Variants in PRKAR1B observed in about 807,000 individuals in gnomAD.
PRKAR1B encodes the protein cAMP-dependent protein kinase type I-beta regulatory subunit.
In PRKAR1B, 22 loss-of-function variants were observed where a neutral mutation model predicts 46.5. The ratio of observed to expected loss-of-function variants is 0.47; its 90% CI spans 0.34 to 0.68. The LOEUF is 0.68. Among genes scored for constraint, PRKAR1B ranks in the 30% least tolerant of loss-of-function variants. PRKAR1B has a pLI of 0.01. For missense variants in PRKAR1B, 445 were observed against 535.6 expected, an observed-to-expected ratio of 0.83 and a Z score of 1.67; for synonymous variants, 259 against 217.7, an observed-to-expected ratio of 1.19 and a Z score of -1.67.
At chr7:613,486 G>T (rs567668949) in intron 4 of PRKAR1B, among the ~76,000 whole-genome samples, 13 of 152,280 alleles carry the variant, frequency 8.5e-5, no homozygotes, top group Admixed American at 3.3e-4. Flanking sequence ...AACGTCTGAG[G>T]AAGCGTACGG....
chr7:704,629 AGCCAGGCGC>A (rs1187137196), intron 2 of PRKAR1B, among the ~76,000 whole-genome samples: 1 of 152,000 alleles, frequency 6.6e-6, no homozygotes, highest in Non-Finnish European at 1.5e-5. Flanking sequence ...TACAAAAATG[AGCCAGGCGC>A]GATGCCTGTA....
intron 8 of PRKAR1B, among the ~76,000 whole-genome samples, chr7:584,012 G>A (rs1398940788): frequency 2.6e-5 from 4 of 152,228 alleles, no homozygotes; most frequent in African/African-American, 9.6e-5. Flanking sequence ...TGAAACCCCA[G>A]CCTGCCGTTA....
At chr7:645,012 C>T (rs572923327) in intron 4 of PRKAR1B, among the ~76,000 whole-genome samples, 1 of 152,288 alleles carries the variant, frequency 6.6e-6, no homozygotes, top group East Asian at 1.9e-4. Flanking sequence ...GCAGTGTGGA[C>T]GAGTGAGGGC....
chr7:685,392 ATATATATATG>A lies in PRKAR1B; in HGVS notation c.178-4676_178-4667del, dbSNP rs1463512762. On this transcript the variant is annotated intron_variant, in intron 2 of 10. Coordinates refer to ENST00000537384, the MANE Select transcript of PRKAR1B (RefSeq NM_001164760.2). Reference sequence around the variant, plus strand: ...CATATATATATATACATACATATATATATATATATGTATATATATACCAAAAACATTCCAG... The same window carrying A: ...CATATATATATATACATACATATATATATATATATACCAAAAACATTCCAG... 5.6e-4 allele frequency among the ~76,000 whole-genome samples: 69 copies of A among 123,052 alleles called. 12 individuals are homozygous for A. The highest frequency in any genetic ancestry group is 2.3e-3 in the African/African-American group (68 of 30,118). The allele number at this position is 123,052 out of a possible 152,430, so 80.7% of individuals were successfully genotyped here. A position where few individuals can be genotyped will look rare whatever the true frequency, so the allele number is the denominator to read the frequency against.
chr7:553,109 C>T (rs865876983), intron 9 of PRKAR1B, among the ~76,000 whole-genome samples: 1 of 152,294 alleles, frequency 6.6e-6, no homozygotes. Flanking sequence ...ACAGGGAAAG[C>T]GTGGGCTGTG....
chr7:564,089 C>T (rs1374772351), intron 9 of PRKAR1B, among the ~76,000 whole-genome samples: 1 of 152,132 alleles, frequency 6.6e-6, no homozygotes, highest in East Asian at 1.9e-4. Flanking sequence ...GGGTCTCCTC[C>T]CTCCCTGTTC....
At chr7:684,960 T>A (rs1326770841) in intron 2 of PRKAR1B, among the ~76,000 whole-genome samples, 1 of 151,868 alleles carries the variant, frequency 6.6e-6, no homozygotes, top group Non-Finnish European at 1.5e-5. Context: ...AATATCTAGC[T>A]CTAAAATACA....
At chr7:575,907 C>T (rs146751428) in intron 9 of PRKAR1B, among the ~76,000 whole-genome samples, 15 of 152,324 alleles carry the variant, frequency 9.8e-5, no homozygotes, top group East Asian at 3.9e-4. Context: ...TTTCAGCTGT[C>T]GGTTTGCAAT....
chr7:692,680 C>T (rs904657843), intron 2 of PRKAR1B, among the ~76,000 whole-genome samples: 3 of 152,114 alleles, frequency 2.0e-5, no homozygotes, highest in Non-Finnish European at 2.9e-5. Context: ...AAACCTCAGG[C>T]CAAACTGCGC....
At chr7:649,331 T>C (rs941659513) in intron 4 of PRKAR1B, among the ~76,000 whole-genome samples, 1 of 152,238 alleles carries the variant, frequency 6.6e-6, no homozygotes, top group Non-Finnish European at 1.5e-5. Flanking sequence ...CTCCCTATCA[T>C]GCTTCCTTGT....
intron 6 of PRKAR1B, among the ~76,000 whole-genome samples, chr7:598,031 G>A (rs975754291): frequency 9.2e-5 from 14 of 152,170 alleles, no homozygotes; most frequent in African/African-American, 1.4e-4. Context: ...TGCAGGTGAC[G>A]GACTCCAGGG....
At chr7:715,937 G>C (rs576858646) in intron 1 of PRKAR1B, among the ~76,000 whole-genome samples, 11 of 151,994 alleles carry the variant, frequency 7.2e-5, no homozygotes, top group East Asian at 1.9e-4. Flanking sequence ...GGATGGTCTC[G>C]GTCTCCTGAC....
chr7:673,378 G>A (rs753112776), intron 4 of PRKAR1B, among the ~76,000 whole-genome samples: 7 of 152,080 alleles, frequency 4.6e-5, no homozygotes, highest in Admixed American at 1.3e-4. Context: ...AGCCGGGCGC[G>A]GTGGCTCACG....
At chr7:672,692 A>AC (rs1786330920) in intron 4 of PRKAR1B, among the ~76,000 whole-genome samples, 1 of 151,458 alleles carries the variant, frequency 6.6e-6, no homozygotes, top group South Asian at 2.1e-4. Flanking sequence ...ACATGGTGAA[A>AC]CCCCATCTCT....
At chr7:627,217 T>G (rs1033325790) in intron 4 of PRKAR1B, among the ~76,000 whole-genome samples, 6 of 152,080 alleles carry the variant, frequency 3.9e-5, no homozygotes, top group Non-Finnish European at 4.4e-5. Flanking sequence ...CTCAAACTCC[T>G]GGGCTCAAGC....
intron 9 of PRKAR1B, among the ~76,000 whole-genome samples, chr7:559,132 G>T (rs1049573436): frequency 6.6e-6 from 1 of 152,232 alleles, no homozygotes; most frequent in Admixed American, 6.5e-5. Context: ...CGTGAACGAG[G>T]AGGCCACATC....
At chr7:620,431 A>G (rs531348657) in intron 4 of PRKAR1B, among the ~76,000 whole-genome samples, 1 of 152,160 alleles carries the variant, frequency 6.6e-6, no homozygotes, top group Non-Finnish European at 1.5e-5. Flanking sequence ...TTCAAATTCT[A>G]TTCTCCAGTT....
At chr7:582,088 G>A (rs913000330) in intron 8 of PRKAR1B, among the ~76,000 whole-genome samples, 28 of 152,236 alleles carry the variant, frequency 1.8e-4, no homozygotes, top group African/African-American at 6.3e-4. Flanking sequence ...ACGCAGTCAC[G>A]TGTCCCAAAA....
Position 604,846 on chromosome 7 carries a change from TGGACAAGGAGAAGGGCAGGC to T in PRKAR1B, c.549+1327_549+1346del, listed in dbSNP as rs549428449. On this transcript the variant is annotated intron_variant, in intron 6 of 10. Coordinates refer to ENST00000537384, the MANE Select transcript of PRKAR1B (RefSeq NM_001164760.2). ...TGCGGAGGCCACCTCCTGGGGCAGGTGGACAAGGAGAAGGGCAGGCGGACAAGGAGAAGGGCAGGCAGGCA... is the reference window on the plus strand; with the variant it reads ...TGCGGAGGCCACCTCCTGGGGCAGGTGGACAAGGAGAAGGGCAGGCAGGCA... 4.4e-4 allele frequency among the ~76,000 whole-genome samples: 67 copies of T among 151,406 alleles called. No homozygotes were observed. In the South Asian group the frequency reaches 4.6e-3, roughly 10 times the overall value.
Sources: gnomAD v4.1 joint callset for allele counts (sites outside exome capture counted in the v4.1 genomes callset) on GRCh38, gnomAD v4.1.1 for gene constraint, MANE v1.5 for transcripts, NCBI Gene and HGNC (gene_info 2026-07-23, HGNC 2026-07-21) for gene names.